MEPCE: variants seen among roughly 807,000 people sequenced by gnomAD.
MEPCE encodes the protein 7SK snRNA methylphosphate capping enzyme.
MEPCE carries 9 observed loss-of-function variants against 52.3 expected under a neutral mutation model. The ratio of observed to expected loss-of-function variants is 0.17; its 90% CI spans 0.10 to 0.30. The LOEUF is 0.30. MEPCE is among the 10% of genes least tolerant of loss of function. The pLI is 1.00. For synonymous variants in MEPCE, 477 were observed against 401.6 expected, an observed-to-expected ratio of 1.19 and a Z score of -2.25; for missense variants, 826 against 933.0, an observed-to-expected ratio of 0.89 and a Z score of 1.49.
At position 100,433,881 on chromosome 7, in the gene MEPCE, T is replaced by C. The variant is rs1798797179; in HGVS notation, c.*327T>C. On this transcript the variant is annotated 3_prime_UTR_variant, in exon 4 of 4. Transcript: ENST00000310512. The stretch of plus-strand genomic sequence containing the variant: ...ATCAAATTCTCTAGCCCTTTCCTCC[T>C]ATTCTCCCAAGGAGAGAGATTCCCA... 1 of 360,484 alleles carries C rather than the reference T, an allele frequency of 2.8e-6. No homozygotes were observed. 22.3% of individuals were successfully genotyped at this position (360,484 alleles called of 1,614,324 possible).
At chr7:100,429,429 C>G (rs1307827593), upstream of MEPCE, 1 of 152,324 alleles carries the variant, frequency 6.6e-6, no homozygotes. Flanking sequence ...TAGAGCCGGG[C>G]GGAGACCGCT....
chr7:100,431,582 T>C lies in MEPCE; in HGVS notation c.1564T>C (p.Cys522Arg). The change falls in exon 1 of 4, where the codon TGC becomes CGC. Residue 522 changes from cysteine to arginine, a missense_variant. Physicochemically the swap from Cys to Arg is radical, Grantham distance 180. Transcript: ENST00000310512. ...GACCACCACCGTTCGAAAGAGGAGC[T>C]GCTTCCCAGCCTCGCTGACTGCCAG... ...EGTTTVRKRS[C>R]FPASLTASRG... 1 of 1,612,074 alleles carries C rather than the reference T, an allele frequency of 6.2e-7. No individual in the cohort carries two copies. Among genetic ancestry groups the C allele is most frequent in the Non-Finnish European group, 8.5e-7 (1 of 1,180,018 alleles).
Position 100,430,946 on chromosome 7 carries a change from C to T in MEPCE, c.928C>T (p.Arg310Trp), listed in dbSNP as rs200684338. 2 of 1,608,194 alleles carry T rather than the reference C, an allele frequency of 1.2e-6. No homozygotes were observed. The highest frequency in any genetic ancestry group is 3.3e-5 in the Admixed American group (2 of 59,720). Residue 310 changes from arginine to tryptophan, a missense_variant, in exon 1 of 4, where the codon CGG becomes TGG. By Grantham distance (101) the Arg-to-Trp change is moderately radical (BLOSUM62 -3). Transcript: ENST00000310512. Reference protein sequence around the residue: ...SQQPRHRGQNRDAPQPYELNT... With the variant: ...SQQPRHRGQNWDAPQPYELNT... ...GCAGCCGCGGCACAGGGGCCAGAAC[C>T]GGGATGCCCCCCAACCCTATGAACT...
chr7:100,430,397 C>A lies in MEPCE; in HGVS notation c.379C>A (p.Pro127Thr). 1 of 1,519,480 alleles carries A rather than the reference C, an allele frequency of 6.6e-7. No homozygotes were observed. The highest frequency in any genetic ancestry group is 8.8e-7 in the Non-Finnish European group (1 of 1,135,778). The allele number at this position is 1,519,480 out of a possible 1,614,324, so 94.1% of individuals were successfully genotyped here. A position where few individuals can be genotyped will look rare whatever the true frequency, so the allele number is the denominator to read the frequency against. Residue 127 changes from proline (P) to threonine (T), a missense_variant, in exon 1 of 4, where the codon CCT becomes ACT. Pro to Thr is a conservative substitution (Grantham distance 38). This residue lies in a region of MEPCE where 314 missense variants were observed against 277.7 expected (regional missense o/e 1.13). Transcript: ENST00000310512. ...AGGGGGCGGGACAGAGCTGGGTCCC[C>A]CTGCTCCTCCTCGACCCCGCAATGG... is the stretch of plus-strand genomic sequence containing the variant. ...RGGGGTELGP[P>T]APPRPRNGYQ...
chr7:100,431,542 A>G lies in MEPCE; in HGVS notation c.1524A>G (p.Ala508=), dbSNP rs1798703827. 1.2e-6 allele frequency: 2 copies of G among 1,612,786 alleles called. No homozygotes were observed. Among genetic ancestry groups the G allele is most frequent in the Admixed American group, 1.7e-5 (1 of 60,006 alleles). The change falls in exon 1 of 4, where the codon GCA becomes GCG. Residue 508 remains alanine, a synonymous_variant. Transcript: ENST00000310512. ...PPQTLEGDPG[A]EGEEGTTTVR... is the part of the protein sequence containing the mutation. ...AGACTTTGGAAGGGGACCCGGGGGCAGAGGGTGAGGAAGGGACCACCACCG... is the reference window on the plus strand; with the variant it reads ...AGACTTTGGAAGGGGACCCGGGGGCGGAGGGTGAGGAAGGGACCACCACCG...
At position 100,430,573 on chromosome 7, in the gene MEPCE, C is replaced by T. The variant is rs1469694965; in HGVS notation, c.555C>T (p.Phe185=). ...SDCDSVLPSN[F]LLGGNIFDPL... ...GTGACTCTGTGTTACCCTCCAACTTCCTCCTGGGGGGCAATATCTTTGATC... is the reference window on the plus strand; with the variant it reads ...GTGACTCTGTGTTACCCTCCAACTTTCTCCTGGGGGGCAATATCTTTGATC... Residue 185 remains phenylalanine (F), a synonymous_variant, in exon 1 of 4, where the codon TTC becomes TTT. Coordinates refer to ENST00000310512, the MANE Select transcript of MEPCE (RefSeq NM_019606.6). 1.4e-5 allele frequency: 22 copies of T among 1,602,448 alleles called. No homozygotes were observed. The highest frequency in any genetic ancestry group is 1.8e-5 in the Non-Finnish European group (21 of 1,173,958).
At position 100,433,039 on chromosome 7, in the gene MEPCE, C is replaced by G; in HGVS notation, c.1792C>G (p.Arg598Gly). ...GAACTGGGGAGACGAGGGCCTGAAG[C>G]GCATGTTTCGCCGGATCTACCGGCA... ...HLNWGDEGLK[R>G]MFRRIYRHLR... is the part of the protein sequence containing the mutation. The change falls in exon 2 of 4, where the codon CGC becomes GGC. Residue 598 changes from arginine (R) to glycine (G), a missense_variant. This residue lies in a region of MEPCE where 82 missense variants were observed against 121.4 expected (regional missense o/e 0.68). Transcript: ENST00000310512. 6.2e-7 allele frequency: 1 copy of G among 1,614,044 alleles called. No individual in the cohort carries two copies. The highest frequency in any genetic ancestry group is 8.5e-7 in the Non-Finnish European group (1 of 1,180,042).
chr7:100,431,665 C>T lies in MEPCE; in HGVS notation c.1647C>T (p.Phe549=). 2 of 1,597,800 alleles carry T rather than the reference C, an allele frequency of 1.3e-6. No individual in the cohort carries two copies. The highest frequency in any genetic ancestry group is 1.7e-6 in the Non-Finnish European group (2 of 1,176,850). The change falls in exon 1 of 4, where the codon TTC becomes TTT. Residue 549 remains phenylalanine, a synonymous_variant. Transcript: ENST00000310512. The part of the protein sequence containing the change: ...VPLDGADTSV[F]PNNVVFVTGN... Reference sequence around the variant, plus strand: ...TGGATGGAGCGGACACATCAGTCTTCCCCAACAATGTTGTCTTCGTCACGG... The same window carrying T: ...TGGATGGAGCGGACACATCAGTCTTTCCCAACAATGTTGTCTTCGTCACGG...
At position 100,430,234 on chromosome 7, in the gene MEPCE, C is replaced by T. The variant is rs1357363775; in HGVS notation, c.216C>T (p.Ala72=). ...CGGTCGGTCGGGAAAGCCCCGGGGC[C>T]GCGGCCACCTCCTCCAGTGGTCCCC... is the stretch of plus-strand genomic sequence containing the variant. ...AAAVGRESPG[A]AATSSSGPQA... Residue 72 remains alanine (A), a synonymous_variant, in exon 1 of 4, where the codon GCC becomes GCT. Transcript: ENST00000310512. 7.5e-7 allele frequency: 1 copy of T among 1,337,008 alleles called. No homozygotes were observed. The highest frequency in any genetic ancestry group is 9.5e-7 in the Non-Finnish European group (1 of 1,048,654). 82.8% of individuals were successfully genotyped at this position (1,337,008 alleles called of 1,614,324 possible).
chr7:100,432,825 G>C lies in MEPCE; in HGVS notation c.1672-94G>C, dbSNP rs1282292658. 7.9e-6 allele frequency: 9 copies of C among 1,138,008 alleles called. No homozygotes were observed. The Admixed American group carries it at 1.7e-4, about 21-fold the overall frequency. The allele number at this position is 1,138,008 out of a possible 1,614,324, so 70.5% of individuals were successfully genotyped here. A position where few individuals can be genotyped will look rare whatever the true frequency, so the allele number is the denominator to read the frequency against. On this transcript the variant is annotated intron_variant, in intron 1 of 3. Transcript: ENST00000310512. ...AGAAAGTGGCCACGGGCTAAAGTGA[G>C]GCCGCGGGACTGTATCGGCCTCAGA...
chr7:100,428,873 G>A (rs2130981806), upstream of MEPCE: 1 of 152,544 alleles, frequency 6.6e-6, no homozygotes, highest in South Asian at 2.0e-4. Flanking sequence ...TGGGTGTTGA[G>A]GCGGAGAGGA....
At chr7:100,429,380 G>C (rs148383191), upstream of MEPCE, 899 of 152,428 alleles carry the variant, frequency 5.9e-3, 4 homozygotes, top group Non-Finnish European at 9.4e-3. Flanking sequence ...CTGCCCACTA[G>C]GGGGGAGGAA....
At chr7:100,429,211 T>C (rs1252417842), upstream of MEPCE, among the ~76,000 whole-genome samples, 7 of 152,040 alleles carry the variant, frequency 4.6e-5, no homozygotes, top group Non-Finnish European at 8.8e-5. Flanking sequence ...CCGCCCTTCG[T>C]CAGGAAGCCC....
chr7:100,431,812 C>T (rs77227535), intron 1 of MEPCE, 123 bp downstream of exon 1: 9,405 of 928,272 alleles, frequency 0.01, 64 homozygotes, highest in Non-Finnish European at 0.012. Flanking sequence ...CAAGTGAGAG[C>T]CTCTGCTGGG....
In MEPCE at chr7:100,433,147, G is replaced by C. The variant is rs1798768948; in HGVS notation, c.1890+10G>C. ...GAGAAAGACTCTTACAGTGAGTTGG[G>C]TGTTGGGGGAATAGTCATTCCTTTG... On this transcript the variant is annotated intron_variant, in intron 2 of 3. Coordinates refer to ENST00000310512, the MANE Select transcript of MEPCE (RefSeq NM_019606.6). The C allele has an allele frequency of 7.4e-6, 12 of 1,613,744 alleles. 1 individual carries two copies. In the Middle Eastern group the frequency reaches 8.2e-4, roughly 111 times the overall value.
chr7:100,429,990 C>G lies in MEPCE; in HGVS notation c.-29C>G, dbSNP rs1052535137. On this transcript the variant is annotated 5_prime_UTR_variant, in exon 1 of 4. Coordinates refer to ENST00000310512, the MANE Select transcript of MEPCE (RefSeq NM_019606.6). ...TTAGGCCCCCTGATCCCCCTCGTTA[C>G]CCCGACTGGCACGGAATAAGGGGAG... 6 of 1,243,124 alleles carry G rather than the reference C, an allele frequency of 4.8e-6. No homozygotes were observed. Among genetic ancestry groups the G allele is most frequent in the African/African-American group, 1.6e-5 (1 of 64,454 alleles). The allele number at this position is 1,243,124 out of a possible 1,614,324, so 77.0% of individuals were successfully genotyped here.
Position 100,430,440 on chromosome 7 carries a change from C to A in MEPCE, c.422C>A (p.Pro141Gln). Reference sequence around the variant, plus strand: ...CGCAATGGCTATCAGCCCCACCGGCCACCTGGGGGGGGCGGGGGCAAGAGG... The same window carrying A: ...CGCAATGGCTATCAGCCCCACCGGCAACCTGGGGGGGGCGGGGGCAAGAGG... ...RPRNGYQPHR[P>Q]PGGGGGKRRN... Residue 141 changes from proline to glutamine, a missense_variant, in exon 1 of 4, where the codon CCA (proline) becomes CAA (glutamine). By Grantham distance (76) the Pro-to-Gln change is moderately conservative (BLOSUM62 -1). This residue lies in a region of MEPCE where 314 missense variants were observed against 277.7 expected (regional missense o/e 1.13). Coordinates refer to ENST00000310512, the MANE Select transcript of MEPCE (RefSeq NM_019606.6). 6.4e-7 allele frequency: 1 copy of A among 1,557,634 alleles called. No homozygotes were observed. Among genetic ancestry groups the A allele is most frequent in the South Asian group, 1.2e-5 (1 of 85,292 alleles).
intron 2 of MEPCE, 39 bp from the exon 3 acceptor site, chr7:100,433,224 C>T (rs778545438): frequency 6.2e-6 from 10 of 1,613,740 alleles, no homozygotes; most frequent in African/African-American, 4.0e-5. Flanking sequence ...CCAGGGGAGG[C>T]GGCAGCGTGC....
chr7:100,429,227 C>T (rs1468867350), upstream of MEPCE: 2 of 152,352 alleles, frequency 1.3e-5, no homozygotes, highest in East Asian at 1.9e-4. Flanking sequence ...AGCCCCGCCC[C>T]TCCGGATCGC....
Sources: allele counts gnomAD v4.1 joint callset (sites outside exome capture counted in the v4.1 genomes callset), GRCh38; gene constraint gnomAD v4.1.1; regional missense constraint gnomAD v4.1.1; transcripts MANE v1.5; gene names NCBI Gene and HGNC (gene_info 2026-07-23, HGNC 2026-07-21).